The following PRKCB variants were observed in gnomAD, a reference collection of about 807,000 sequenced individuals.
The protein encoded by PRKCB is protein kinase C beta type.
A neutral mutation model predicts 81.5 loss-of-function variants in PRKCB; 13 were observed. The ratio of observed to expected loss-of-function variants is 0.16; its 90% CI spans 0.10 to 0.25. PRKCB has a LOEUF of 0.25. PRKCB is among the 10% of genes least tolerant of loss of function. The pLI is 1.00. For missense variants in PRKCB, 509 were observed against 875.7 expected, an observed-to-expected ratio of 0.58 and a Z score of 5.29; for synonymous variants, 335 against 321.4, an observed-to-expected ratio of 1.04 and a Z score of -0.45.
chr16:24,206,398 T>C (rs556973022), intron 16 of PRKCB, among the ~76,000 whole-genome samples: 1 of 152,276 alleles, frequency 6.6e-6, no homozygotes, highest in African/African-American at 2.4e-5. Flanking sequence ...TGTCTTTTCA[T>C]CGTGACCTTC....
chr16:23,837,076 G>T (rs12935280), intron 1 of PRKCB: 234,071 of 462,710 alleles, frequency 0.51, 63,046 homozygotes, highest in East Asian at 0.66. Flanking sequence ...GGTGCTCGGG[G>T]CATCTATGGG....
At chr16:24,198,509 T>C (rs562157062) in intron 16 of PRKCB, among the ~76,000 whole-genome samples, 1 of 152,304 alleles carries the variant, frequency 6.6e-6, no homozygotes, top group South Asian at 2.1e-4. Flanking sequence ...TTCTGCTTTT[T>C]ATTTATTTGT....
rs149755980 is a variant in PRKCB, at chr16:24,014,324, A to T, written c.289-17812A>T. Among the ~76,000 whole-genome samples the T allele has an allele frequency of 6.8e-4, 104 of 152,130 alleles. No homozygotes were observed. In the East Asian group the frequency reaches 0.017, roughly 24 times the overall value. ...TGGTTTTGTGGGTGATGGAGGATTT[A>T]TTTATAATGTGGGTGTGATCCGTTG... On this transcript the variant is annotated intron_variant, in intron 3 of 16. Coordinates refer to ENST00000643927, the MANE Select transcript of PRKCB (RefSeq NM_002738.7).
chr16:24,030,500 G>T (rs1468355156), intron 3 of PRKCB, among the ~76,000 whole-genome samples: 2 of 152,086 alleles, frequency 1.3e-5, no homozygotes, highest in Non-Finnish European at 2.9e-5. Flanking sequence ...CTCTACACAG[G>T]TTCATTCATT....
At chr16:24,156,991 T>C (rs1000258099) in intron 10 of PRKCB, among the ~76,000 whole-genome samples, 1 of 150,908 alleles carries the variant, frequency 6.6e-6, no homozygotes, top group African/African-American at 2.5e-5. Flanking sequence ...AAATGAATCA[T>C]GGGTGACTAA....
intron 16 of PRKCB, among the ~76,000 whole-genome samples, chr16:24,211,285 C>T (rs1219377572): frequency 6.6e-6 from 1 of 152,154 alleles, no homozygotes. Flanking sequence ...TGCAAATGCC[C>T]TATTATAGGA....
chr16:24,010,191 G>C (rs943249409), intron 3 of PRKCB, among the ~76,000 whole-genome samples: 1 of 152,142 alleles, frequency 6.6e-6, no homozygotes, highest in Non-Finnish European at 1.5e-5. Context: ...GTGACCACAG[G>C]CATGTCCCAT....
At chr16:24,078,888 T>C (rs1374544118) in intron 5 of PRKCB, among the ~76,000 whole-genome samples, 1 of 151,638 alleles carries the variant, frequency 6.6e-6, no homozygotes, top group African/African-American at 2.4e-5. Context: ...GTTTAGGGGG[T>C]CATAAAACCT....
chr16:24,169,649 G>A lies in PRKCB; in HGVS notation c.1240-2621G>A, dbSNP rs751453971. On this transcript the variant is annotated intron_variant, in intron 10 of 16. Transcript: ENST00000643927. The stretch of plus-strand genomic sequence containing the variant: ...ATCGCCTTCTAAATAAGATTATCCT[G>A]AATACTTTATTGAAACTGGAACTCC... Among the ~76,000 whole-genome samples, 5 of 152,266 alleles carry A rather than the reference G, an allele frequency of 3.3e-5. No individual in the cohort carries two copies. In the Middle Eastern group the frequency reaches 0.014, roughly 414 times the overall value.
At chr16:23,851,237 AATTTTGAGTTGATTGTGTAT>A in intron 2 of PRKCB, among the ~76,000 whole-genome samples, 1 of 152,216 alleles carries the variant, frequency 6.6e-6, no homozygotes, top group Non-Finnish European at 1.5e-5. Flanking sequence ...GTCTTTAATC[AATTTTGAGTTGATTGTGTAT>A]GTGGTTTGTA....
At chr16:24,053,180 T>A (rs1965862982) in intron 5 of PRKCB, among the ~76,000 whole-genome samples, 1 of 151,974 alleles carries the variant, frequency 6.6e-6, no homozygotes, top group African/African-American at 2.4e-5. Flanking sequence ...GTTCACTCAC[T>A]CAAAAAAAAG....
At chr16:24,071,996 A>G (rs1046275619) in intron 5 of PRKCB, among the ~76,000 whole-genome samples, 2 of 151,964 alleles carry the variant, frequency 1.3e-5, no homozygotes, top group Non-Finnish European at 2.9e-5. Flanking sequence ...CTACTTGTTT[A>G]TGGGCTGATT....
At chr16:23,850,539 A>AT (rs1396212686) in intron 2 of PRKCB, among the ~76,000 whole-genome samples, 2 of 151,856 alleles carry the variant, frequency 1.3e-5, no homozygotes, top group African/African-American at 4.8e-5. Flanking sequence ...CTAATTTTGT[A>AT]TTTTTGCTAG....
chr16:24,125,075 CGTT>C, intron 9 of PRKCB, among the ~76,000 whole-genome samples: 3 of 59,600 alleles, frequency 5.0e-5, no homozygotes, highest in African/African-American at 2.2e-4. Flanking sequence ...TATAATTAAT[CGTT>C]ACCTATAATT....
In PRKCB at chr16:23,867,724, A is replaced by T. The variant is rs1962832379; in HGVS notation, c.205+30318A>T. Reference sequence around the variant, plus strand: ...CAAACAGTTCATTATTCCCACTTTAAGGATGTGAAGACTGAGGCTCAGGGT... The same window carrying T: ...CAAACAGTTCATTATTCCCACTTTATGGATGTGAAGACTGAGGCTCAGGGT... On this transcript the variant is annotated intron_variant, in intron 2 of 16. Transcript: ENST00000643927. Among the ~76,000 whole-genome samples the T allele has an allele frequency of 2.0e-5, 3 of 152,166 alleles. No individual in the cohort carries two copies. The South Asian group carries it at 6.2e-4, about 32-fold the overall frequency.
At chr16:23,985,251 G>A (rs1162879890) in intron 2 of PRKCB, among the ~76,000 whole-genome samples, 1 of 151,888 alleles carries the variant, frequency 6.6e-6, no homozygotes, top group African/African-American at 2.4e-5. Context: ...CTACCACCAC[G>A]CCCAGCTAAT....
At chr16:23,979,568 A>G (rs1451268027) in intron 2 of PRKCB, among the ~76,000 whole-genome samples, 2 of 152,088 alleles carry the variant, frequency 1.3e-5, no homozygotes, top group African/African-American at 2.4e-5. Context: ...GTCGGGGGGA[A>G]TGTACAGGAA....
At position 24,185,237 on chromosome 16, in the gene PRKCB, C is replaced by G. The variant is rs768789641; in HGVS notation, c.1614+46C>G. ...CGATAAGAGAAGTCCTCCCTACCCC[C>G]ATCCACATGGTTTCTTTAGGAGAAT... On this transcript the variant is annotated intron_variant, in intron 14 of 16. Transcript: ENST00000643927. 11 of 1,534,782 alleles carry G rather than the reference C, an allele frequency of 7.2e-6. No homozygotes were observed. The African/African-American group carries it at 1.5e-4, about 21-fold the overall frequency.
chr16:23,990,374 C>T (rs1964868688), intron 3 of PRKCB, among the ~76,000 whole-genome samples: 3 of 151,488 alleles, frequency 2.0e-5, no homozygotes, highest in Admixed American at 6.6e-5. Flanking sequence ...AGGAGAATGG[C>T]GTGAACCTGG....
Sources: allele counts gnomAD v4.1 joint callset (sites outside exome capture counted in the v4.1 genomes callset), GRCh38; gene constraint gnomAD v4.1.1; transcripts MANE v1.5; gene names NCBI Gene and HGNC (gene_info 2026-07-23, HGNC 2026-07-21).